The following DLG2 variants were observed in gnomAD, a reference collection of about 807,000 sequenced individuals.
DLG2 encodes disks large homolog 2.
Under a neutral mutation model 132.5 loss-of-function variants are expected in DLG2, and 45 were observed. The observed-to-expected ratio is 0.34, with a 90% CI of 0.27 to 0.44. The LOEUF is 0.44. DLG2 is among the 20% of genes least tolerant of loss of function. DLG2 has a pLI of 1.00. For missense variants in DLG2, 1,045 were observed against 1,196.9 expected, an observed-to-expected ratio of 0.87 and a Z score of 1.87; for synonymous variants, 424 against 419.6, an observed-to-expected ratio of 1.01 and a Z score of -0.13.
At chr11:83,857,434 C>T (rs2060708190) in intron 16 of DLG2, among the ~76,000 whole-genome samples, 1 of 152,120 alleles carries the variant, frequency 6.6e-6, no homozygotes, top group Non-Finnish European at 1.5e-5. Context: ...GATATTGATT[C>T]TTCCTATCCA....
At position 83,637,426 on chromosome 11, in the gene DLG2, C is replaced by T. The variant is rs1482382600; in HGVS notation, c.1826-4101G>A. ...AATGAGCTAGGATCTGTACTACATA[C>T]TTTTAAAAATACATTATTTTTCCTA... On this transcript the variant is annotated intron_variant, in intron 18 of 27. Transcript: ENST00000376104. 3.3e-5 allele frequency among the ~76,000 whole-genome samples: 5 copies of T among 152,146 alleles called. No individual in the cohort carries two copies. The South Asian group carries it at 6.2e-4, about 19-fold the overall frequency.
In DLG2 at chr11:85,583,077, T is replaced by TATAA. The variant is rs1241411034; in HGVS notation, c.40+15579_40+15580insTTAT. ...AAAAAAATATATATATATATATATA[T>TATAA]AATATATGTGATGTGTGTGTGTGTG... is the stretch of plus-strand genomic sequence containing the variant. On this transcript the variant is annotated intron_variant, in intron 3 of 27. Transcript: ENST00000376104. 2.5e-5 allele frequency among the ~76,000 whole-genome samples: 3 copies of TATAA among 120,800 alleles called. 1 individual carries two copies. In the East Asian group the frequency reaches 7.2e-4, roughly 29 times the overall value. 79.2% of individuals were successfully genotyped at this position (120,800 alleles called of 152,430 possible). A position where few individuals can be genotyped will look rare whatever the true frequency, so the allele number is the denominator to read the frequency against.
intron 19 of DLG2, among the ~76,000 whole-genome samples, chr11:83,615,607 T>C (rs763091000): frequency 1.3e-5 from 2 of 152,204 alleles, no homozygotes; most frequent in Non-Finnish European, 2.9e-5. Flanking sequence ...GTGGATCCAA[T>C]CTAATCACAT....
chr11:84,680,313 C>T (rs1438032252), intron 6 of DLG2, among the ~76,000 whole-genome samples: 3 of 152,014 alleles, frequency 2.0e-5, no homozygotes, highest in Non-Finnish European at 4.4e-5. Context: ...AAAATCTAGG[C>T]TACAAAAAGA....
At chr11:85,054,242 C>T (rs529745596) in intron 6 of DLG2, among the ~76,000 whole-genome samples, 12 of 148,154 alleles carry the variant, frequency 8.1e-5, no homozygotes, top group South Asian at 2.1e-4. Flanking sequence ...TCCAGCCTGG[C>T]GACAGAACGA....
chr11:83,737,736 G>A (rs886210485), intron 18 of DLG2, among the ~76,000 whole-genome samples: 4 of 152,164 alleles, frequency 2.6e-5, no homozygotes, highest in African/African-American at 9.7e-5. Context: ...GGTGGATAAC[G>A]AGGTCAGGAG....
chr11:84,209,756 G>A lies in DLG2; in HGVS notation c.573+41482C>T, dbSNP rs74801362. Among the ~76,000 whole-genome samples the A allele has an allele frequency of 1.3e-3, 203 of 152,194 alleles. 1 individual carries two copies. Among genetic ancestry groups the A allele is most frequent in the African/African-American group, 4.4e-3 (182 of 41,532 alleles). Reference sequence around the variant, plus strand: ...CTTAGTGGAAACACATGCCAAAAGCGCAATGAGATGCCACTCACTGGAATA... The same window carrying A: ...CTTAGTGGAAACACATGCCAAAAGCACAATGAGATGCCACTCACTGGAATA... On this transcript the variant is annotated intron_variant, in intron 8 of 27. Coordinates refer to ENST00000376104, the MANE Select transcript of DLG2 (RefSeq NM_001142699.3).
intron 18 of DLG2, among the ~76,000 whole-genome samples, chr11:83,734,195 G>A (rs1043969185): frequency 6.6e-6 from 1 of 151,646 alleles, no homozygotes; most frequent in Non-Finnish European, 1.5e-5. Flanking sequence ...CCAATCATTT[G>A]TTGCCCACAC....
At chr11:84,449,175 CT>C (rs1043820637) in intron 7 of DLG2, among the ~76,000 whole-genome samples, 1 of 151,790 alleles carries the variant, frequency 6.6e-6, no homozygotes, top group Non-Finnish European at 1.5e-5. Flanking sequence ...TTTGTAATTC[CT>C]ACTCTTTCAC....
chr11:85,304,357 T>A (rs1032043942), intron 3 of DLG2, among the ~76,000 whole-genome samples: 6 of 152,054 alleles, frequency 3.9e-5, no homozygotes, highest in African/African-American at 1.4e-4. Context: ...AGAATTAATT[T>A]AAGAAAACCA....
intron 6 of DLG2, among the ~76,000 whole-genome samples, chr11:84,835,640 C>T (rs1357833295): frequency 1.3e-5 from 2 of 151,712 alleles, no homozygotes; most frequent in Non-Finnish European, 2.9e-5. Context: ...TCCTTCTCAG[C>T]CTTCATCATA....
chr11:83,700,058 A>G (rs906798729), intron 18 of DLG2, among the ~76,000 whole-genome samples: 3 of 151,834 alleles, frequency 2.0e-5, no homozygotes, highest in African/African-American at 7.2e-5. Flanking sequence ...TGAGGGCAGG[A>G]GAGGAACAAA....
chr11:85,055,549 A>G (rs1196185009), intron 6 of DLG2, among the ~76,000 whole-genome samples: 1 of 152,188 alleles, frequency 6.6e-6, no homozygotes, highest in East Asian at 1.9e-4. Flanking sequence ...GTCTCAATGG[A>G]CTGGGGAAAC....
intron 3 of DLG2, among the ~76,000 whole-genome samples, chr11:85,573,211 A>G (rs958828311): frequency 6.6e-6 from 1 of 152,150 alleles, no homozygotes; most frequent in Non-Finnish European, 1.5e-5. Flanking sequence ...CTCTCATTAT[A>G]AATTACCCAG....
At chr11:83,853,278 C>G (rs1271631166) in intron 16 of DLG2, among the ~76,000 whole-genome samples, 1 of 152,152 alleles carries the variant, frequency 6.6e-6, no homozygotes, top group Non-Finnish European at 1.5e-5. Context: ...TTCCCTCATT[C>G]CTCATGAATA....
At chr11:84,671,815 T>C (rs1431687524) in intron 6 of DLG2, among the ~76,000 whole-genome samples, 1 of 152,134 alleles carries the variant, frequency 6.6e-6, no homozygotes, top group African/African-American at 2.4e-5. Context: ...AAAGTGATTA[T>C]GGGAACTAAG....
chr11:84,981,694 AT>A (rs1458240832), intron 6 of DLG2, among the ~76,000 whole-genome samples: 7 of 152,300 alleles, frequency 4.6e-5, no homozygotes, highest in Middle Eastern at 3.4e-3. Context: ...CCTAAAAAAA[AT>A]AAATAAATAA....
chr11:84,371,440 G>GT (rs2098706115), intron 7 of DLG2, among the ~76,000 whole-genome samples: 1 of 151,648 alleles, frequency 6.6e-6, no homozygotes, highest in Non-Finnish European at 1.5e-5. Flanking sequence ...TATAGACGGG[G>GT]TTTTGCCCTT....
rs746968613 is a variant in DLG2, at chr11:83,508,403, A to ATTTTTTTTTTTTTTTTT, written c.2194-24192_2194-24176dup. 7.6e-4 allele frequency among the ~76,000 whole-genome samples: 61 copies of ATTTTTTTTTTTTTTTTT among 80,190 alleles called. 12 individuals are homozygous for ATTTTTTTTTTTTTTTTT. The highest frequency in any genetic ancestry group is 3.1e-3 in the African/African-American group (49 of 15,884). 52.6% of individuals were successfully genotyped at this position (80,190 alleles called of 152,430 possible). On this transcript the variant is annotated intron_variant, in intron 21 of 27. Coordinates refer to ENST00000376104, the MANE Select transcript of DLG2 (RefSeq NM_001142699.3). ...AGGTGCACACCACCACGCCTGGCTAATTTTTTTTTTTTTTTTTTTTTTAGT... is the reference window on the plus strand; with the variant it reads ...AGGTGCACACCACCACGCCTGGCTAATTTTTTTTTTTTTTTTTTTTTTTTTTTTTTTTTTTTTTTAGT...
Sources: allele counts gnomAD v4.1 joint callset (sites outside exome capture counted in the v4.1 genomes callset), GRCh38; gene constraint gnomAD v4.1.1; transcripts MANE v1.5; gene names NCBI Gene and HGNC (gene_info 2026-07-23, HGNC 2026-07-21).